Variants in ACTR3C observed in about 807,000 individuals in gnomAD.
ACTR3C encodes actin related protein 3C, also known as actin-related protein 3C.
In ACTR3C, 18 loss-of-function variants were observed where a neutral mutation model predicts 26.3. The observed-to-expected ratio is 0.68, with a 90% CI of 0.47 to 1.01. The LOEUF (loss-of-function observed/expected upper bound fraction) is 1.01. ACTR3C is among the 50% of genes least tolerant of loss of function. The pLI, the probability that ACTR3C is intolerant of heterozygous loss-of-function variation, is 0.00. For synonymous variants in ACTR3C, 55 were observed against 94.5 expected (o/e 0.58, Z 2.42); for missense variants, 184 against 250.7 (o/e 0.73, Z 1.80).
At chr7:150,276,653 C>T (rs939746396) in intron 6 of ACTR3C, among the ~76,000 whole-genome samples, 1 of 152,224 alleles carries the variant, frequency 6.6e-6, no homozygotes, top group Admixed American at 6.5e-5. Context: ...AAATTTCTTA[C>T]AAGGATTACC....
intron 6 of ACTR3C, among the ~76,000 whole-genome samples, chr7:150,254,895 G>T (rs1343950085): frequency 6.6e-6 from 1 of 152,200 alleles, no homozygotes; most frequent in Non-Finnish European, 1.5e-5. Context: ...GGCTTACTCT[G>T]CTACATTTCC....
the ACTR3C span, among the ~76,000 whole-genome samples, chr7:150,120,748 C>G: frequency 2.6e-5 from 4 of 152,162 alleles, no homozygotes; most frequent in African/African-American, 9.7e-5. Flanking sequence ...AGGCCAGCAT[C>G]ATCCTGATAC....
At chr7:149,897,061 CAAAA>C in the ACTR3C span, among the ~76,000 whole-genome samples, 2 of 51,112 alleles carry the variant, frequency 3.9e-5, no homozygotes, top group Admixed American at 2.3e-4. Flanking sequence ...ACACCGTCTC[CAAAA>C]AAAAAAAAAA....
At chr7:149,960,361 T>C in the ACTR3C span, among the ~76,000 whole-genome samples, 2 of 152,168 alleles carry the variant, frequency 1.3e-5, no homozygotes, top group Non-Finnish European at 2.9e-5. Flanking sequence ...AAAATACGGC[T>C]TACCAGGGTA....
the ACTR3C span, among the ~76,000 whole-genome samples, chr7:149,993,724 T>C: frequency 3.3e-5 from 5 of 152,154 alleles, no homozygotes; most frequent in Admixed American, 1.3e-4. Context: ...AGGGTACTCA[T>C]TGGGGACAGT....
At chr7:149,984,135 G>T in the ACTR3C span, among the ~76,000 whole-genome samples, 23,241 of 151,866 alleles carry the variant, frequency 0.15, 3,505 homozygotes, top group African/African-American at 0.39. Flanking sequence ...AGAAAGAAAA[G>T]AAAGTTTGTA....
the ACTR3C span, among the ~76,000 whole-genome samples, chr7:149,894,752 G>A: frequency 0.84 from 127,545 of 151,700 alleles, 55,365 homozygotes; most frequent in East Asian, 1. Flanking sequence ...GTTGGTGATG[G>A]TGTGACAAAA....
At chr7:149,942,184 A>G in the ACTR3C span, among the ~76,000 whole-genome samples, 8 of 152,340 alleles carry the variant, frequency 5.3e-5, no homozygotes, top group East Asian at 1.5e-3. Flanking sequence ...AAGTTCTTTT[A>G]AAAAGAAATC....
the ACTR3C span, among the ~76,000 whole-genome samples, chr7:150,144,318 A>C: frequency 6.6e-6 from 1 of 152,226 alleles, no homozygotes; most frequent in Admixed American, 6.5e-5. The surrounding 1 kb of genome is among the most constrained non-coding windows in gnomAD (Gnocchi z 4.6). Context: ...AGATTGTCTT[A>C]AGCACCTCAG....
At chr7:150,230,003 T>C in the ACTR3C span, among the ~76,000 whole-genome samples, 1 of 150,786 alleles carries the variant, frequency 6.6e-6, no homozygotes, top group Admixed American at 6.6e-5. Flanking sequence ...GGCGGGTGGA[T>C]CACTTGAGGT....
chr7:150,142,035 G>C, the ACTR3C span, among the ~76,000 whole-genome samples: 1 of 152,184 alleles, frequency 6.6e-6, no homozygotes, highest in African/African-American at 2.4e-5. Flanking sequence ...CAATGATAAA[G>C]AGGGCTGTAC....
chr7:150,212,241 A>G, the ACTR3C span, among the ~76,000 whole-genome samples: 2 of 147,236 alleles, frequency 1.4e-5, no homozygotes, highest in Non-Finnish European at 2.9e-5. Context: ...AAGGTGTAAG[A>G]TAATTGAAGT....
At chr7:150,266,127 G>A (rs915090107) in intron 6 of ACTR3C, among the ~76,000 whole-genome samples, 1 of 147,916 alleles carries the variant, frequency 6.8e-6, no homozygotes, top group Non-Finnish European at 1.5e-5. Context: ...CTCTGTAATA[G>A]GTTTTTTAAC....
the ACTR3C span, among the ~76,000 whole-genome samples, chr7:150,226,573 G>C: frequency 6.6e-6 from 1 of 151,924 alleles, no homozygotes; most frequent in Non-Finnish European, 1.5e-5. Flanking sequence ...AGTAGCTGGG[G>C]CTACAGGCAC....
chr7:149,964,536 C>T, the ACTR3C span, among the ~76,000 whole-genome samples: 1 of 152,178 alleles, frequency 6.6e-6, no homozygotes, highest in East Asian at 1.9e-4. Flanking sequence ...GGGCAGCTTG[C>T]AGCGTGAGCA....
chr7:150,215,751 G>A, the ACTR3C span, among the ~76,000 whole-genome samples: 14,228 of 150,682 alleles, frequency 0.094, 862 homozygotes, highest in East Asian at 0.24. Context: ...AGTTTTTTCG[G>A]ACCTGGTGGA....
chr7:150,039,392 G>A, the ACTR3C span, among the ~76,000 whole-genome samples: 2 of 69,852 alleles, frequency 2.9e-5, no homozygotes, highest in African/African-American at 4.9e-5. Flanking sequence ...CTAAGAACCC[G>A]GGGGGGAAGA....
chr7:150,204,964 T>G, the ACTR3C span, among the ~76,000 whole-genome samples: 1 of 152,210 alleles, frequency 6.6e-6, no homozygotes, highest in Non-Finnish European at 1.5e-5. Context: ...CCTTCCCCAG[T>G]GCAGGTTTCC....
At position 150,298,421 on chromosome 7, in the gene ACTR3C, T is replaced by C. The variant is rs557377830; in HGVS notation, c.-51-3074A>G. On this transcript the variant is annotated intron_variant, in intron 1 of 7. Transcript: ENST00000683684. ...ATATCTGTCACACAGTAGCATGCCA[T>C]ACCAGTCCGATTAAGAGATGTGAAG... Among the ~76,000 whole-genome samples, 4 of 150,672 alleles carry C rather than the reference T, an allele frequency of 2.7e-5. No individual in the cohort carries two copies. The East Asian group carries it at 5.8e-4, about 22-fold the overall frequency.
Sources: allele counts gnomAD v4.1 joint callset (sites outside exome capture counted in the v4.1 genomes callset), GRCh38; gene constraint gnomAD v4.1.1; non-coding constraint Gnocchi (gnomAD v3.1); transcripts MANE v1.5; gene names NCBI Gene and HGNC (gene_info 2026-07-23, HGNC 2026-07-21).